The following SYTL2 variants were observed in gnomAD, a reference collection of about 807,000 sequenced individuals.
SYTL2 encodes synaptotagmin like 2, also known as synaptotagmin-like protein 2.
In SYTL2, 165 loss-of-function variants were observed where a neutral mutation model predicts 198.7. That is an observed-to-expected ratio of 0.83 (90% CI 0.73 to 0.94). The LOEUF is 0.94. Ranked by LOEUF, SYTL2 falls within the 40% of genes least tolerant of loss-of-function variation. SYTL2 has a pLI of 0.00. For missense variants in SYTL2, 2,835 were observed against 2,582.8 expected, an observed-to-expected ratio of 1.10 and a Z score of -2.12; for synonymous variants, 966 against 917.7, an observed-to-expected ratio of 1.05 and a Z score of -0.95.
intron 4 of SYTL2, 40 bp from the exon 5 acceptor site, chr11:85,737,696 T>A (rs1384855025): frequency 1.3e-6 from 2 of 1,539,742 alleles, no homozygotes; most frequent in South Asian, 1.1e-5. Flanking sequence ...AAACCTCACC[T>A]TTTGAGGAAT....
At position 85,694,595 on chromosome 11, in the gene SYTL2, C is replaced by T. The variant is rs1024827286; in HGVS notation, c.*600G>A. 2 of 152,140 alleles carry T rather than the reference C, an allele frequency of 1.3e-5. No individual in the cohort carries two copies. Among genetic ancestry groups the T allele is most frequent in the Non-Finnish European group, 2.9e-5 (2 of 68,030 alleles). The allele number at this position is 152,140 out of a possible 1,614,324, so 9.4% of individuals were successfully genotyped here. ...GGGTGGCACTAAAATACATTTGAGG[C>T]TTGTTTTAACTGTTTGTTTTCTCAA... On this transcript the variant is annotated 3_prime_UTR_variant, in exon 20 of 20. Coordinates refer to ENST00000359152, the MANE Select transcript of SYTL2 (RefSeq NM_206927.4).
chr11:85,829,363 T>G, the SYTL2 span, among the ~76,000 whole-genome samples: 1 of 152,214 alleles, frequency 6.6e-6, no homozygotes, highest in South Asian at 2.1e-4. Flanking sequence ...CCATCCATGT[T>G]GCTGCAAAGG....
chr11:85,718,891 A>C, intron 9 of SYTL2, 48 bp from the exon 10 acceptor site: 1 of 1,603,646 alleles, frequency 6.2e-7, no homozygotes, highest in Non-Finnish European at 8.5e-7. Flanking sequence ...ACCCTTGGAG[A>C]GAAAAGAACA....
intron 1 of SYTL2, among the ~76,000 whole-genome samples, chr11:85,805,383 A>C (rs959504081): frequency 9.2e-5 from 14 of 152,276 alleles, no homozygotes; most frequent in Non-Finnish European, 1.5e-4. Flanking sequence ...TAAAACTCAA[A>C]TGCTAGTCTA....
the SYTL2 span, among the ~76,000 whole-genome samples, chr11:85,823,846 T>C: frequency 6.6e-6 from 1 of 152,248 alleles, no homozygotes; most frequent in East Asian, 1.9e-4. Flanking sequence ...TCAAGATGCA[T>C]GTAAACTCTA....
chr11:85,831,489 C>T, the SYTL2 span, among the ~76,000 whole-genome samples: 1 of 152,050 alleles, frequency 6.6e-6, no homozygotes, highest in Non-Finnish European at 1.5e-5. Context: ...GAAATAGATC[C>T]TTTTGGTTAA....
Position 85,725,439 on chromosome 11 carries a change from G to A in SYTL2, c.3919C>T (p.His1307Tyr), listed in dbSNP as rs755675832. The A allele has an allele frequency of 6.2e-6, 10 of 1,613,964 alleles. No homozygotes were observed. The South Asian group carries it at 8.8e-5, about 14-fold the overall frequency. Residue 1307 changes from histidine to tyrosine, a missense_variant, in exon 8 of 20, where the codon CAT (histidine) becomes TAT (tyrosine). Physicochemically the swap from His to Tyr is moderately conservative, Grantham distance 83. Transcript: ENST00000359152. ...AGCTGGGAAGTTGGATCCAATGGAT[G>A]AGAATCTTCTGCAGCCATCTGAATC... ...NLIQMAAEDS[H>Y]PLDPTSQLSR...
intron 2 of SYTL2, among the ~76,000 whole-genome samples, chr11:85,749,561 C>A (rs143281885): frequency 6.6e-6 from 1 of 152,274 alleles, no homozygotes; most frequent in Non-Finnish European, 1.5e-5. Flanking sequence ...CTCTCCCAAG[C>A]GTGCCTGGAG....
At position 85,735,621 on chromosome 11, in the gene SYTL2, G is replaced by A. The variant is rs1591813180; in HGVS notation, c.587-879C>T. The stretch of plus-strand genomic sequence containing the variant: ...AAAATACAAAAATTAGGCGGGTGTG[G>A]TAGAGCACGCCTGTAGTCCCAGCTA... On this transcript the variant is annotated intron_variant, in intron 6 of 19. Coordinates refer to ENST00000359152, the MANE Select transcript of SYTL2 (RefSeq NM_206927.4). 2.6e-5 allele frequency among the ~76,000 whole-genome samples: 4 copies of A among 152,184 alleles called. No individual in the cohort carries two copies. In the South Asian group the frequency reaches 8.3e-4, roughly 32 times the overall value.
At chr11:85,701,636 T>G (rs968994316) in intron 16 of SYTL2, among the ~76,000 whole-genome samples, 2 of 152,170 alleles carry the variant, frequency 1.3e-5, no homozygotes, top group Non-Finnish European at 1.5e-5. Context: ...TAGAAATAAG[T>G]GCTTCAAGTG....
the SYTL2 span, among the ~76,000 whole-genome samples, chr11:85,848,446 A>G: frequency 8.9e-5 from 13 of 146,366 alleles, no homozygotes; most frequent in African/African-American, 3.2e-4. Context: ...CACCTTTATG[A>G]TTCATTTTGA....
Position 85,724,353 on chromosome 11 carries a change from C to G in SYTL2, c.5005G>C (p.Val1669Leu). 6.3e-7 allele frequency: 1 copy of G among 1,586,470 alleles called. No individual in the cohort carries two copies. Among genetic ancestry groups the G allele is most frequent in the Non-Finnish European group, 8.6e-7 (1 of 1,169,062 alleles). ...TTAATGGTCCCTATTTCATGAGCCA[C>G]ATAAAGTTGTGGGGTTCTAGGGATC... ...VEIPRTPQLY[V>L]AHEIGTIKTV... Residue 1669 changes from valine (V) to leucine (L), a missense_variant, in exon 8 of 20, where the codon GTG becomes CTG. Around this residue, in one of 3 missense-constraint regions of SYTL2, gnomAD observed 2,645 missense variants for 2,381.7 expected, o/e 1.11. Coordinates refer to ENST00000359152, the MANE Select transcript of SYTL2 (RefSeq NM_206927.4).
At chr11:85,779,836 G>T (rs2092527735) in intron 1 of SYTL2, among the ~76,000 whole-genome samples, 6 of 152,166 alleles carry the variant, frequency 3.9e-5, no homozygotes, top group Admixed American at 3.9e-4. Context: ...ACATCTCACT[G>T]AAGAGAGGGG....
At chr11:85,809,401 C>A (rs950387027) in intron 1 of SYTL2, among the ~76,000 whole-genome samples, 1 of 152,182 alleles carries the variant, frequency 6.6e-6, no homozygotes, top group Admixed American at 6.5e-5. Context: ...TCCAGAATAA[C>A]GGAAACTCCT....
At chr11:85,710,965 G>T in intron 13 of SYTL2, 148 bp downstream of exon 13, 1 of 735,834 alleles carries the variant, frequency 1.4e-6, no homozygotes, top group Non-Finnish European at 2.1e-6. Context: ...AAAGATAGAT[G>T]TAGCTAGCCA....
rs1340788510 is a variant in SYTL2 at position 85,726,328 on chromosome 11, T to A, written c.3030A>T (p.Lys1010Asn). ...NDKNITTTSQ[K>N]NSAPFNRQKH... ...TCTGCCTATTAAAAGGTGCAGAATT[T>A]TTTTGGCTTGTGGTGGTAATATTCT... The change falls in exon 8 of 20, where the codon AAA (lysine) becomes AAT (asparagine). Residue 1010 changes from lysine (K) to asparagine (N), a missense_variant. Lys to Asn is a moderately conservative substitution (Grantham distance 94, BLOSUM62 0). This residue lies in a region of SYTL2 where 2,645 missense variants were observed against 2,381.7 expected (regional missense o/e 1.11). Coordinates refer to ENST00000359152, the MANE Select transcript of SYTL2 (RefSeq NM_206927.4). The A allele has an allele frequency of 1.9e-6, 3 of 1,614,144 alleles. No individual in the cohort carries two copies. In the Admixed American group the frequency reaches 5.0e-5, roughly 27 times the overall value.
At chr11:85,716,453 C>G (rs1458466986) in intron 11 of SYTL2, 1 of 152,148 alleles carries the variant, frequency 6.6e-6, no homozygotes, top group Non-Finnish European at 1.5e-5. Context: ...ACCTCATAAG[C>G]AAAGTTTCAG....
intron 14 of SYTL2, among the ~76,000 whole-genome samples, 173 bp downstream of exon 14, chr11:85,709,158 T>C (rs1269439344): frequency 1.3e-5 from 2 of 152,104 alleles, no homozygotes; most frequent in Non-Finnish European, 2.9e-5. Flanking sequence ...ATTTTTATAA[T>C]TTAATGTTTG....
In SYTL2 at chr11:85,726,569, G is replaced by A. The variant is rs920406948; in HGVS notation, c.2789C>T (p.Ala930Val). 6.9e-6 allele frequency: 11 copies of A among 1,587,720 alleles called. No homozygotes were observed. The highest frequency in any genetic ancestry group is 9.4e-6 in the Non-Finnish European group (11 of 1,172,628). The change falls in exon 8 of 20, where the codon GCA (alanine) becomes GTA (valine). Residue 930 changes from alanine (A) to valine (V), a missense_variant. Coordinates refer to ENST00000359152, the MANE Select transcript of SYTL2 (RefSeq NM_206927.4). Reference protein sequence around the residue: ...LPSRRNITLPALQPPSNVGSE... With the variant: ...LPSRRNITLPVLQPPSNVGSE... ...CCCGACATTTGAGGGAGGTTGCAGT[G>A]CTGGTAAAGTAATGTTTCTTCTAGA...
Sources: gnomAD v4.1 joint callset for allele counts (sites outside exome capture counted in the v4.1 genomes callset) on GRCh38, gnomAD v4.1.1 for gene constraint, gnomAD v4.1.1 regional missense constraint, MANE v1.5 for transcripts, NCBI Gene and HGNC (gene_info 2026-07-23, HGNC 2026-07-21) for gene names.